STRBP: variants seen among roughly 807,000 people sequenced by gnomAD.
The protein encoded by STRBP is spermatid perinuclear RNA-binding protein.
STRBP carries 13 observed loss-of-function variants against 80.1 expected under a neutral mutation model. That is an observed-to-expected ratio of 0.16 (90% CI 0.11 to 0.26). STRBP has a LOEUF of 0.26. Ranked by LOEUF, STRBP falls within the 10% of genes least tolerant of loss-of-function variation. The probability of loss-of-function intolerance (pLI) is 1.00; values close to 1 mark genes in which losing one functional copy is unlikely to be tolerated. For synonymous variants in STRBP, 284 were observed against 291.2 expected (o/e 0.98, Z 0.25); for missense variants, 485 against 815.2 (o/e 0.59, Z 4.93).
downstream of STRBP, among the ~76,000 whole-genome samples, chr9:123,118,549 A>G (rs700091): frequency 0.61 from 92,090 of 152,214 alleles, 33,068 homozygotes; most frequent in Non-Finnish European, 0.81. Context: ...TCAAGGCAAA[A>G]AAGTCCTCCC....
chr9:123,223,970 A>G (rs2040156445), intron 2 of STRBP, among the ~76,000 whole-genome samples: 1 of 152,164 alleles, frequency 6.6e-6, no homozygotes, highest in African/African-American at 2.4e-5. Context: ...AAGAGTACGC[A>G]AGGTGCTCCA....
intron 1 of STRBP, among the ~76,000 whole-genome samples, chr9:123,247,253 T>C (rs2040817952): frequency 6.6e-6 from 1 of 152,116 alleles, no homozygotes; most frequent in South Asian, 2.1e-4. Context: ...GAGAGGTGGA[T>C]TCAAATCCCA....
downstream of STRBP, among the ~76,000 whole-genome samples, chr9:123,120,482 CGGGGGGGTGGGG>C (rs2035713540): frequency 1.8e-4 from 1 of 5,424 alleles, no homozygotes; most frequent in South Asian, 1.8e-3. Context: ...TAATTGCGGG[CGGGGGGGTGGGG>C]GGGGGGGGGC....
intron 1 of STRBP, among the ~76,000 whole-genome samples, chr9:123,250,471 G>A (rs1371033820): frequency 1.3e-5 from 2 of 151,948 alleles, no homozygotes; most frequent in African/African-American, 4.8e-5. Flanking sequence ...AGAGATCGTT[G>A]GGGTCCTCGA....
At chr9:123,159,014 G>T in intron 9 of STRBP, 82 bp downstream of exon 9, 1 of 1,154,984 alleles carries the variant, frequency 8.7e-7, no homozygotes, top group Non-Finnish European at 1.3e-6. Context: ...CCTGTGTAGA[G>T]AACAAACTTA....
At chr9:123,154,560 G>A (rs1046882113) in intron 11 of STRBP, among the ~76,000 whole-genome samples, 1 of 151,886 alleles carries the variant, frequency 6.6e-6, no homozygotes, top group African/African-American at 2.4e-5. Context: ...TTATGGGTTT[G>A]AAAGAAATAA....
intron 13 of STRBP, among the ~76,000 whole-genome samples, chr9:123,144,884 A>G (rs1361852333): frequency 5.9e-5 from 9 of 152,190 alleles, no homozygotes. Flanking sequence ...ACAGCTAGTA[A>G]TAGGTTTTCA....
Position 123,110,817 on chromosome 9 carries a change from G to A in STRBP, c.*85-1064C>T, listed in dbSNP as rs946273413. The A allele has an allele frequency of 1.8e-5, 3 of 169,298 alleles. No homozygotes were observed. Among genetic ancestry groups the A allele is most frequent in the African/African-American group, 7.2e-5 (3 of 41,520 alleles). The allele number at this position is 169,298 out of a possible 1,614,324, so 10.5% of individuals were successfully genotyped here. A position where few individuals can be genotyped will look rare whatever the true frequency, so the allele number is the denominator to read the frequency against. On this transcript the variant is annotated intron_variant and NMD_transcript_variant, in intron 3 of 3. Coordinates refer to the STRBP transcript ENST00000471564. The surrounding 1 kb of genome is among the most constrained non-coding windows in gnomAD (Gnocchi z 4.1). ...AAAATGAGCCCTCCTCCCTCGGAAA[G>A]GTAGTAAGTAGTAGCAAAGCATCTC...
At position 123,169,883 on chromosome 9, in the gene STRBP, T is replaced by C. The variant is rs765232622; in HGVS notation, c.535+19A>G. 68 of 1,277,374 alleles carry C rather than the reference T, an allele frequency of 5.3e-5. 1 individual carries two copies. Among genetic ancestry groups the C allele is most frequent in the Non-Finnish European group, 6.3e-5 (62 of 983,316 alleles). The allele number at this position is 1,277,374 out of a possible 1,614,324, so 79.1% of individuals were successfully genotyped here. ...AACAACAAATATATACATATATATA[T>C]ATATATATACATGTGTACCTCCATC... is the stretch of plus-strand genomic sequence containing the variant. On this transcript the variant is annotated intron_variant, in intron 6 of 18. Transcript: ENST00000348403.
chr9:123,128,311 C>T, intron 17 of STRBP, 53 bp from the exon 18 acceptor site: 1 of 1,608,508 alleles, frequency 6.2e-7, no homozygotes, highest in South Asian at 1.1e-5. Context: ...GCAATCATCA[C>T]TGGCCCAATT....
chr9:123,174,297 G>GTGTAGTGGCATGCACC (rs1362224325), intron 4 of STRBP, among the ~76,000 whole-genome samples: 7 of 152,178 alleles, frequency 4.6e-5, no homozygotes, highest in Admixed American at 4.6e-4. Flanking sequence ...AATTAGCCAG[G>GTGTAGTGGCATGCACC]TGTAGTGGCA....
chr9:123,174,319 T>C (rs967864098), intron 4 of STRBP, among the ~76,000 whole-genome samples: 6 of 152,200 alleles, frequency 3.9e-5, no homozygotes, highest in African/African-American at 1.4e-4. Context: ...GCACCTGTAG[T>C]GCCAGCTATT....
intron 2 of STRBP, among the ~76,000 whole-genome samples, chr9:123,216,612 T>C (rs550980664): frequency 4.4e-4 from 67 of 152,340 alleles, no homozygotes; most frequent in South Asian, 1.0e-3. Context: ...AGAGTGTACT[T>C]GAACTGAGGT....
Position 123,184,239 on chromosome 9 carries a change from T to C in STRBP, c.-105A>G. 8.9e-7 allele frequency: 1 copy of C among 1,125,292 alleles called. No individual in the cohort carries two copies. Among genetic ancestry groups the C allele is most frequent in the Non-Finnish European group, 1.3e-6 (1 of 773,812 alleles). The allele number at this position is 1,125,292 out of a possible 1,614,324, so 69.7% of individuals were successfully genotyped here. On this transcript the variant is annotated 5_prime_UTR_variant, in exon 3 of 19. Transcript: ENST00000348403. ...AACAATACCTCCTCATAAGCCTGAG[T>C]CCCCTGACAGCTCAGCGTCAATATA...
intron 1 of STRBP, among the ~76,000 whole-genome samples, chr9:123,266,690 T>C (rs2041273063): frequency 6.6e-6 from 1 of 151,966 alleles, no homozygotes; most frequent in Admixed American, 6.6e-5. Flanking sequence ...GCCCTAAACC[T>C]GGGCATCCTA....
intron 2 of STRBP, among the ~76,000 whole-genome samples, chr9:123,234,193 G>A (rs1464029551): frequency 1.5e-5 from 2 of 135,070 alleles, no homozygotes; most frequent in Admixed American, 1.6e-4. Context: ...AGAGCGAGAC[G>A]CCGTGTCAAA....
chr9:123,257,829 A>G (rs1361168108), intron 1 of STRBP, among the ~76,000 whole-genome samples: 3 of 151,842 alleles, frequency 2.0e-5, no homozygotes, highest in African/African-American at 7.3e-5. Context: ...AAAAATAATA[A>G]TAATTGTATA....
intron 1 of STRBP, among the ~76,000 whole-genome samples, chr9:123,239,927 G>C (rs556493650): frequency 2.6e-5 from 4 of 152,088 alleles, no homozygotes; most frequent in Non-Finnish European, 4.4e-5. Context: ...GCCCCTAAGG[G>C]AATACAGGCT....
At chr9:123,176,549 A>T (rs1206759982) in intron 4 of STRBP, among the ~76,000 whole-genome samples, 1 of 152,206 alleles carries the variant, frequency 6.6e-6, no homozygotes, top group South Asian at 2.1e-4. Context: ...ACAGGAGTGG[A>T]GAAAGGAAGA....
Sources: allele counts gnomAD v4.1 joint callset (sites outside exome capture counted in the v4.1 genomes callset), GRCh38; gene constraint gnomAD v4.1.1; non-coding constraint Gnocchi (gnomAD v3.1); transcripts MANE v1.5; gene names NCBI Gene and HGNC (gene_info 2026-07-23, HGNC 2026-07-21).